Variants in MAX observed in about 807,000 individuals in gnomAD.
MAX encodes the protein protein max.
Under a neutral mutation model 22.3 loss-of-function variants are expected in MAX, and 3 were observed. The ratio of observed to expected loss-of-function variants is 0.13; its 90% CI spans 0.06 to 0.35. The LOEUF is 0.35. Among genes scored for constraint, MAX ranks in the 10% least tolerant of loss-of-function variants. The pLI is 1.00. For missense variants in MAX, 119 were observed against 209.4 expected, an observed-to-expected ratio of 0.57 and a Z score of 2.66; for synonymous variants, 72 against 77.7, an observed-to-expected ratio of 0.93 and a Z score of 0.39.
In MAX at chr14:65,011,582, C is replaced by G. The variant is rs910053794; in HGVS notation, c.172-5298G>C. ...TGTAATCTGCAAGCACGGGGAACAT[C>G]TTGACAATCTGTGCTTTTTGTTTCC... On this transcript the variant is annotated intron_variant, in intron 3 of 3. Transcript: ENST00000341653. This position sits in a 1 kb window ranked among gnomAD's most constrained non-coding sequence, Gnocchi z 4.0. Among the ~76,000 whole-genome samples the G allele has an allele frequency of 3.9e-5, 6 of 152,204 alleles. No homozygotes were observed. Among genetic ancestry groups the G allele is most frequent in the Admixed American group, 3.3e-4 (5 of 15,278 alleles).
rs1219503164 is a variant in MAX, at chr14:65,028,324, C to T, written c.172-22040G>A. Among the ~76,000 whole-genome samples the T allele has an allele frequency of 2.6e-5, 4 of 152,174 alleles. No homozygotes were observed. The highest frequency in any genetic ancestry group is 9.7e-5 in the African/African-American group (4 of 41,434). On this transcript the variant is annotated intron_variant, in intron 3 of 3. Transcript: ENST00000341653. This position sits in a 1 kb window ranked among gnomAD's most constrained non-coding sequence, Gnocchi z 4.4. ...GTTAGCTCGAAATTATTATTTTCTT[C>T]CATAAGTGTCTGATGTACCAAGCAA...
rs1364349856 is a variant in MAX at position 65,014,499 on chromosome 14, T to G, written c.172-8215A>C. Among the ~76,000 whole-genome samples the G allele has an allele frequency of 2.0e-5, 3 of 152,166 alleles. No homozygotes were observed. Among genetic ancestry groups the G allele is most frequent in the Admixed American group, 6.5e-5 (1 of 15,268 alleles). ...TTCCCCTACAGGTAACCACACACATTCTATATCCCAAGCATCTCAAGAACA... is the reference window on the plus strand; with the variant it reads ...TTCCCCTACAGGTAACCACACACATGCTATATCCCAAGCATCTCAAGAACA... On this transcript the variant is annotated intron_variant, in intron 3 of 3. Transcript: ENST00000341653. This position sits in a 1 kb window ranked among gnomAD's most constrained non-coding sequence, Gnocchi z 5.1.
At position 65,047,929 on chromosome 14, in the gene MAX, T is replaced by C. The variant is rs2062518569; in HGVS notation, c.172-41645A>G. Among the ~76,000 whole-genome samples the C allele has an allele frequency of 6.6e-6, 1 of 151,378 alleles. No homozygotes were observed. The highest frequency in any genetic ancestry group is 6.6e-5 in the Admixed American group (1 of 15,170). ...CAAAACCCCTTGAACAATGGGTACC[T>C]TTGGGAGAAGAGAAGCAGACAGAAG... On this transcript the variant is annotated intron_variant, in intron 3 of 3. Coordinates refer to the MAX transcript ENST00000341653. The surrounding 1 kb of genome is among the most constrained non-coding windows in gnomAD (Gnocchi z 5.2).
At position 65,007,041 on chromosome 14, in the gene MAX, A is replaced by G. The variant is rs2061605797; in HGVS notation, c.172-757T>C. On this transcript the variant is annotated intron_variant, in intron 3 of 3. Coordinates refer to the MAX transcript ENST00000341653. The surrounding 1 kb of genome is among the most constrained non-coding windows in gnomAD (Gnocchi z 4.9). ...AGGAATTTCACAATTACCCGTTTTT[A>G]TCATTGTTGCCTATGAAATTGAGTG... 6.6e-6 allele frequency among the ~76,000 whole-genome samples: 1 copy of G among 152,208 alleles called. No individual in the cohort carries two copies. Among genetic ancestry groups the G allele is most frequent in the Non-Finnish European group, 1.5e-5 (1 of 68,028 alleles).
chr14:65,057,949 CAGGT>C (rs1431913721), intron 3 of MAX, among the ~76,000 whole-genome samples: 1 of 152,196 alleles, frequency 6.6e-6, no homozygotes, highest in Non-Finnish European at 1.5e-5. Flanking sequence ...AGTCTGAAAA[CAGGT>C]AGGCAAGTCC....
intron 3 of MAX, chr14:65,022,036 C>T (rs1369844801): frequency 2.2e-6 from 1 of 455,930 alleles, no homozygotes; most frequent in Non-Finnish European, 4.4e-6. Context: ...AATAACACGT[C>T]TGACTCTGTG....
chr14:65,036,429 G>T (rs111311778), intron 3 of MAX, among the ~76,000 whole-genome samples: 8,886 of 151,596 alleles, frequency 0.059, 759 homozygotes, highest in African/African-American at 0.19. Context: ...TAGAGACGGG[G>T]TTTTCCCATG....
intron 3 of MAX, among the ~76,000 whole-genome samples, chr14:65,051,523 A>G (rs909197820): frequency 1.3e-5 from 2 of 151,868 alleles, no homozygotes; most frequent in Admixed American, 1.3e-4. Flanking sequence ...AGGCAGGACA[A>G]TCGCTTGAAC....
intron 3 of MAX, among the ~76,000 whole-genome samples, chr14:65,068,173 G>A (rs1463276836): frequency 3.9e-5 from 6 of 152,046 alleles, no homozygotes; most frequent in South Asian, 2.1e-4. Flanking sequence ...GGTGGCTCAC[G>A]CCTGTAATCC....
At chr14:65,057,400 T>C (rs564386658) in intron 3 of MAX, among the ~76,000 whole-genome samples, 15 of 152,206 alleles carry the variant, frequency 9.9e-5, no homozygotes, top group South Asian at 8.3e-4. Flanking sequence ...GTCTGGGAGA[T>C]AGAGTGAGAC....
downstream of MAX, among the ~76,000 whole-genome samples, chr14:65,071,048 G>A (rs2062983094): frequency 6.6e-6 from 1 of 152,072 alleles, no homozygotes. This position sits in a 1 kb window ranked among gnomAD's most constrained non-coding sequence, Gnocchi z 4.2. Flanking sequence ...AATTTTTACT[G>A]CCTTTTAGCA....
In MAX at chr14:65,044,209, A is replaced by G; in HGVS notation, c.172-37925T>C. 5.1e-6 allele frequency: 8 copies of G among 1,583,252 alleles called. No homozygotes were observed. Among genetic ancestry groups the G allele is most frequent in the Non-Finnish European group, 6.0e-6 (7 of 1,166,294 alleles). On this transcript the variant is annotated intron_variant, in intron 3 of 3. Coordinates refer to the MAX transcript ENST00000341653. The surrounding 1 kb of genome is among the most constrained non-coding windows in gnomAD (Gnocchi z 5.5). ...AACTAGAGTGCCAAGAAGCCACAAGATGGGAAACCCTCCATCCCACAGATT... is the reference window on the plus strand; with the variant it reads ...AACTAGAGTGCCAAGAAGCCACAAGGTGGGAAACCCTCCATCCCACAGATT...
chr14:65,037,115 T>C (rs1035237744), intron 3 of MAX, among the ~76,000 whole-genome samples: 59 of 151,820 alleles, frequency 3.9e-4, no homozygotes, highest in Non-Finnish European at 6.6e-4. Context: ...TTTTTTTTTT[T>C]CCTTTGAGAC....
Position 65,047,912 on chromosome 14 carries a change from C to T in MAX, c.172-41628G>A, listed in dbSNP as rs2062518316. 6.6e-6 allele frequency among the ~76,000 whole-genome samples: 1 copy of T among 152,046 alleles called. No homozygotes were observed. Among genetic ancestry groups the T allele is most frequent in the African/African-American group, 2.4e-5 (1 of 41,384 alleles). On this transcript the variant is annotated intron_variant, in intron 3 of 3. Transcript: ENST00000341653. This position sits in a 1 kb window ranked among gnomAD's most constrained non-coding sequence, Gnocchi z 5.2. ...TTTCCTGGAACCCTACACAAAACCCCTTGAACAATGGGTACCTTTGGGAGA... is the reference window on the plus strand; with the variant it reads ...TTTCCTGGAACCCTACACAAAACCCTTTGAACAATGGGTACCTTTGGGAGA...
At position 65,023,331 on chromosome 14, in the gene MAX, C is replaced by G. The variant is rs559739528; in HGVS notation, c.172-17047G>C. Among the ~76,000 whole-genome samples, 1 of 152,314 alleles carries G rather than the reference C, an allele frequency of 6.6e-6. No individual in the cohort carries two copies. The highest frequency in any genetic ancestry group is 2.4e-5 in the African/African-American group (1 of 41,562). On this transcript the variant is annotated intron_variant, in intron 3 of 3. Coordinates refer to the MAX transcript ENST00000341653. This position sits in a 1 kb window ranked among gnomAD's most constrained non-coding sequence, Gnocchi z 4.1. ...CACCTCAGCCAAAGTGCTGGGATTA[C>G]AGGCATGAGCCACCACGCCTGGCCA...
chr14:65,050,034 A>G (rs746239310), intron 3 of MAX, among the ~76,000 whole-genome samples: 1 of 152,228 alleles, frequency 6.6e-6, no homozygotes, highest in Non-Finnish European at 1.5e-5. Flanking sequence ...TTAAACTCAC[A>G]TAACCAAAAC....
intron 3 of MAX, among the ~76,000 whole-genome samples, chr14:65,025,101 T>G (rs1202217299): frequency 6.6e-6 from 1 of 152,124 alleles, no homozygotes; most frequent in Non-Finnish European, 1.5e-5. Flanking sequence ...GTGTCTGAGA[T>G]CAAGAGAAGC....
chr14:65,027,218 A>G lies in MAX; in HGVS notation c.172-20934T>C, dbSNP rs899931285. ...TTCCCAGCCTTGTGTTCCCTGCTTC[A>G]TGACCAACAAGCGCTTAAGTACGAA... On this transcript the variant is annotated intron_variant, in intron 3 of 3. Transcript: ENST00000341653. This position sits in a 1 kb window ranked among gnomAD's most constrained non-coding sequence, Gnocchi z 5.7. Among the ~76,000 whole-genome samples the G allele has an allele frequency of 2.0e-5, 3 of 152,208 alleles. No homozygotes were observed. Among genetic ancestry groups the G allele is most frequent in the Admixed American group, 6.5e-5 (1 of 15,278 alleles).
chr14:65,018,877 G>C (rs1296894533), intron 3 of MAX, among the ~76,000 whole-genome samples: 1 of 150,110 alleles, frequency 6.7e-6, no homozygotes, highest in African/African-American at 2.5e-5. Flanking sequence ...TTGGGAGAAC[G>C]AAGTGGGTGG....
Sources: gnomAD v4.1 joint callset for allele counts (sites outside exome capture counted in the v4.1 genomes callset) on GRCh38, gnomAD v4.1.1 for gene constraint, Gnocchi (gnomAD v3.1) non-coding constraint, MANE v1.5 for transcripts, NCBI Gene and HGNC (gene_info 2026-07-23, HGNC 2026-07-21) for gene names.